Variants in CEP128 observed in about 807,000 individuals in gnomAD.
CEP128 encodes centrosomal protein 128.
In CEP128, 132 loss-of-function variants were observed where a neutral mutation model predicts 156.7. The ratio of observed to expected loss-of-function variants is 0.84; its 90% CI spans 0.73 to 0.97. The LOEUF is 0.97. Ranked by LOEUF, CEP128 falls within the 50% of genes least tolerant of loss-of-function variation. The pLI is 0.00. For synonymous variants in CEP128, 469 were observed against 448.9 expected (o/e 1.04, Z -0.57); for missense variants, 1,252 against 1,281.9 (o/e 0.98, Z 0.36).
At chr14:80,816,712 C>T (rs768680435) in intron 13 of CEP128, among the ~76,000 whole-genome samples, 64 of 152,174 alleles carry the variant, frequency 4.2e-4, no homozygotes, top group Non-Finnish European at 2.4e-4. Context: ...AGGAAATTGA[C>T]GGCTAAGGAC....
intron 19 of CEP128, 26 bp from the exon 20 acceptor site, chr14:80,580,449 T>A (rs750906893): frequency 6.8e-7 from 1 of 1,468,514 alleles, no homozygotes; most frequent in East Asian, 2.3e-5. Context: ...AAAATACCCA[T>A]CAAAATACAA....
At chr14:80,683,580 A>C (rs572466393) in intron 19 of CEP128, among the ~76,000 whole-genome samples, 7 of 152,310 alleles carry the variant, frequency 4.6e-5, no homozygotes, top group African/African-American at 1.4e-4. Flanking sequence ...CAAAAAACTA[A>C]CAAATTCTAG....
At chr14:80,572,984 G>A (rs1007847544) in intron 20 of CEP128, among the ~76,000 whole-genome samples, 24 of 152,132 alleles carry the variant, frequency 1.6e-4, no homozygotes, top group African/African-American at 1.9e-4. Flanking sequence ...GTGCAATGGC[G>A]CGATCTCGGC....
chr14:80,755,788 A>G (rs990649789), intron 18 of CEP128, among the ~76,000 whole-genome samples: 4 of 152,206 alleles, frequency 2.6e-5, no homozygotes, highest in Non-Finnish European at 4.4e-5. Flanking sequence ...CTTTCTAGCA[A>G]ATAGATTCAA....
chr14:80,559,227 C>G lies in CEP128; in HGVS notation c.2880+52G>C. The stretch of plus-strand genomic sequence containing the variant: ...CTTTGGTGTGCTGTGAAATCCACAT[C>G]AGGAGACAGCAGTAATTCTGATAAA... On this transcript the variant is annotated intron_variant, in intron 21 of 24. Transcript: ENST00000555265. 3 of 1,497,574 alleles carry G rather than the reference C, an allele frequency of 2.0e-6. No homozygotes were observed. In the South Asian group the frequency reaches 3.5e-5, roughly 18 times the overall value. 92.8% of individuals were successfully genotyped at this position (1,497,574 alleles called of 1,614,324 possible).
chr14:80,929,479 C>T (rs549843428), intron 2 of CEP128, among the ~76,000 whole-genome samples: 7 of 152,282 alleles, frequency 4.6e-5, no homozygotes, highest in African/African-American at 1.7e-4. Context: ...AAGTGCCCAT[C>T]AACTGATGAG....
intron 20 of CEP128, among the ~76,000 whole-genome samples, chr14:80,579,802 G>A (rs1006214501): frequency 3.9e-5 from 6 of 152,214 alleles, no homozygotes; most frequent in Non-Finnish European, 8.8e-5. Flanking sequence ...GTGAAAAGAA[G>A]AGAGAACTTC....
intron 19 of CEP128, among the ~76,000 whole-genome samples, chr14:80,649,817 A>G (rs970737622): frequency 6.6e-6 from 1 of 152,162 alleles, no homozygotes; most frequent in Non-Finnish European, 1.5e-5. Flanking sequence ...TGGTTACTGT[A>G]GCCTTATAGT....
At position 80,743,219 on chromosome 14, in the gene CEP128, C is replaced by A. The variant is rs763188303; in HGVS notation, c.2662G>T (p.Glu888Ter). ...CEELKERENREKNLRHQLMLC... is the reference protein window; with the variant it reads ...CEELKERENR ...ATCAGCTGGTGTCGCAGATTTTTCT[C>A]TCTGTTTTCTCTCTCTTTCAGTTCC... The change falls in exon 19 of 25, where the codon GAG becomes TAG. Residue 888 changes from glutamate to a stop codon, truncating the protein, a stop_gained. Coordinates refer to ENST00000555265, the MANE Select transcript of CEP128 (RefSeq NM_152446.5). LOFTEE classifies it high-confidence loss of function. 6.2e-7 allele frequency: 1 copy of A among 1,613,532 alleles called. No homozygotes were observed. Among genetic ancestry groups the A allele is most frequent in the African/African-American group, 1.3e-5 (1 of 75,012 alleles).
At chr14:80,766,987 T>C (rs1025501840) in intron 16 of CEP128, among the ~76,000 whole-genome samples, 3 of 152,152 alleles carry the variant, frequency 2.0e-5, no homozygotes, top group African/African-American at 7.2e-5. Context: ...TAACTCAAGA[T>C]AAAACTGTTA....
At chr14:80,640,501 A>C (rs570886187) in intron 19 of CEP128, among the ~76,000 whole-genome samples, 1 of 152,310 alleles carries the variant, frequency 6.6e-6, no homozygotes, top group East Asian at 1.9e-4. Context: ...CCTGTCTGCT[A>C]CACAGAATAC....
chr14:80,830,799 T>A (rs1885750722), intron 13 of CEP128: 2 of 203,736 alleles, frequency 9.8e-6, no homozygotes, highest in South Asian at 1.8e-4. Context: ...AAATAAATAA[T>A]AATTCACTGT....
intron 16 of CEP128, among the ~76,000 whole-genome samples, chr14:80,766,428 A>G (rs780580669): frequency 1.1e-4 from 17 of 152,216 alleles, no homozygotes; most frequent in Admixed American, 2.0e-4. Flanking sequence ...ATGTTTCAGC[A>G]TGCTCTTTAC....
intron 8 of CEP128, among the ~76,000 whole-genome samples, chr14:80,866,715 T>C (rs187531248): frequency 2.0e-5 from 3 of 152,188 alleles, no homozygotes; most frequent in East Asian, 3.9e-4. Context: ...GCCATAAGGA[T>C]CATAAATGAT....
chr14:80,816,914 T>A (rs1341690764), intron 13 of CEP128, among the ~76,000 whole-genome samples: 1 of 151,880 alleles, frequency 6.6e-6, no homozygotes, highest in African/African-American at 2.4e-5. Flanking sequence ...GAGGTCAACT[T>A]TAATTAAGTT....
chr14:80,717,558 G>C (rs1595275523), intron 19 of CEP128, among the ~76,000 whole-genome samples: 1 of 151,928 alleles, frequency 6.6e-6, no homozygotes, highest in Non-Finnish European at 1.5e-5. Flanking sequence ...CCCAAAGAAG[G>C]TTTATATATT....
intron 24 of CEP128, among the ~76,000 whole-genome samples, chr14:80,501,308 T>C (rs1488276507): frequency 6.6e-6 from 1 of 152,144 alleles, no homozygotes; most frequent in African/African-American, 2.4e-5. Context: ...GCGCAGAAGA[T>C]GACTTCAAAG....
At chr14:80,938,567 G>C (rs924265893) in intron 2 of CEP128, among the ~76,000 whole-genome samples, 5 of 152,048 alleles carry the variant, frequency 3.3e-5, no homozygotes, top group African/African-American at 4.8e-5. Context: ...AGTACTGCAA[G>C]TCCGCAGTGT....
chr14:80,811,772 ATC>A (rs1884557565), intron 13 of CEP128, among the ~76,000 whole-genome samples: 1 of 145,354 alleles, frequency 6.9e-6, no homozygotes, highest in African/African-American at 2.6e-5. Context: ...TTTGGTTATT[ATC>A]TCTCTTCTGC....
Sources: gnomAD v4.1 joint callset for allele counts (sites outside exome capture counted in the v4.1 genomes callset) on GRCh38, gnomAD v4.1.1 for gene constraint, MANE v1.5 for transcripts, NCBI Gene and HGNC (gene_info 2026-07-23, HGNC 2026-07-21) for gene names.